SERPINB5: variants seen among roughly 807,000 people sequenced by gnomAD.
The protein encoded by SERPINB5 is serpin B5.
Under a neutral mutation model 32.2 loss-of-function variants are expected in SERPINB5, and 27 were observed. The observed-to-expected ratio is 0.84, with a 90% CI of 0.62 to 1.16. SERPINB5 has a LOEUF of 1.16. Ranked by LOEUF, SERPINB5 falls within the 50% of genes most tolerant of loss-of-function variation. SERPINB5 has a pLI of 0.00. For missense variants in SERPINB5, 388 were observed against 436.3 expected (o/e 0.89, Z 0.99); for synonymous variants, 154 against 157.4 (o/e 0.98, Z 0.16).
intron 3 of SERPINB5, among the ~76,000 whole-genome samples, chr18:63,487,954 A>AT (rs576994604): frequency 9.2e-5 from 14 of 152,142 alleles, no homozygotes; most frequent in Admixed American, 9.2e-4. Context: ...TTGTGAGTAT[A>AT]TTTTTTGTTG....
intron 2 of SERPINB5, 26 bp downstream of exon 2, chr18:63,484,622 T>G (rs1917176621): frequency 6.2e-7 from 1 of 1,600,022 alleles, no homozygotes; most frequent in Non-Finnish European, 8.5e-7. Flanking sequence ...TTGTTTCTAC[T>G]TTAAGTGGGA....
intron 5 of SERPINB5, among the ~76,000 whole-genome samples, chr18:63,497,884 A>G (rs185314266): frequency 2.2e-3 from 340 of 152,256 alleles, no homozygotes; most frequent in Non-Finnish European, 3.9e-3. Context: ...AGATTGAGTG[A>G]TTTGCTCAAG....
In SERPINB5 at chr18:63,492,949, G is replaced by C. The variant is rs1298968179; in HGVS notation, c.425-4G>C. 6.2e-7 allele frequency: 1 copy of C among 1,605,360 alleles called. No individual in the cohort carries two copies. Among genetic ancestry groups the C allele is most frequent in the Admixed American group, 1.7e-5 (1 of 58,942 alleles). The stretch of plus-strand genomic sequence containing the variant: ...CTACTTGTGTTTTCCTAAAATTGTT[G>C]CAGGCCACTTTGAGAACATTTTAGC... On this transcript the variant is annotated splice_region_variant and splice_polypyrimidine_tract_variant and intron_variant, in intron 4 of 6. Transcript: ENST00000382771.
chr18:63,482,389 A>G (rs1599386956), intron 1 of SERPINB5, among the ~76,000 whole-genome samples: 1 of 152,202 alleles, frequency 6.6e-6, no homozygotes, highest in African/African-American at 2.4e-5. Flanking sequence ...GAAGACCTTC[A>G]ATGTCACATT....
At chr18:63,478,758 G>T (rs370089427) in intron 1 of SERPINB5, among the ~76,000 whole-genome samples, 9 of 135,380 alleles carry the variant, frequency 6.6e-5, no homozygotes, top group Non-Finnish European at 1.1e-4. Flanking sequence ...TAAAAACGTA[G>T]TTTTTTTTTT....
intron 1 of SERPINB5, among the ~76,000 whole-genome samples, chr18:63,481,542 T>A (rs143967753): frequency 2.6e-5 from 4 of 152,252 alleles, no homozygotes; most frequent in South Asian, 2.1e-4. Context: ...CTGGTGGAAG[T>A]GTTAAGAAGC....
At chr18:63,499,047 G>GTATATATATATATATATATATATA (rs55944702) in intron 5 of SERPINB5, 73 bp from the exon 6 acceptor site, 3 of 433,756 alleles carry the variant, frequency 6.9e-6, no homozygotes, top group South Asian at 6.0e-5. Context: ...GCGCGTGTGT[G>GTATATATATATATATATATATATA]TATATATATA....
chr18:63,480,450 A>T (rs1220676986), intron 1 of SERPINB5, among the ~76,000 whole-genome samples: 2 of 152,234 alleles, frequency 1.3e-5, no homozygotes, highest in Non-Finnish European at 2.9e-5. Context: ...ATGAAAAAAA[A>T]TTTGTAGCAA....
intron 1 of SERPINB5, chr18:63,477,367 A>C (rs1917052774): frequency 6.6e-6 from 1 of 152,172 alleles, no homozygotes; most frequent in African/African-American, 2.4e-5. Flanking sequence ...ACGGAGGAGA[A>C]AATACTTCTG....
intron 3 of SERPINB5, 62 bp downstream of exon 3, chr18:63,487,145 G>C: frequency 1.3e-6 from 2 of 1,519,234 alleles, no homozygotes; most frequent in East Asian, 4.5e-5. Flanking sequence ...TTTTCATGCT[G>C]TTAGACCTAC....
intron 5 of SERPINB5, 111 bp downstream of exon 5, chr18:63,493,206 G>T (rs760459802): frequency 1.4e-6 from 2 of 1,420,220 alleles, no homozygotes; most frequent in Non-Finnish European, 2.0e-6. Context: ...GGGCACGGCC[G>T]GCAAAGTGCC....
intron 4 of SERPINB5, 71 bp downstream of exon 4, chr18:63,489,535 T>C: frequency 1.2e-6 from 1 of 833,684 alleles, no homozygotes; most frequent in Non-Finnish European, 1.9e-6. Flanking sequence ...AAATGTTTGC[T>C]CCAAGGATAA....
chr18:63,490,736 C>T (rs1304570566), intron 4 of SERPINB5: 1 of 152,198 alleles, frequency 6.6e-6, no homozygotes, highest in Non-Finnish European at 1.5e-5. Context: ...GACACTGGTA[C>T]TTACTAACTG....
rs1909506169 is a variant in SERPINB5, at chr18:63,498,855, A to ACG, written c.568-265_568-264insCG. ...GTATATATATATAGTATGTATATAT[A>ACG]AGTGTGTATATATAGGTGTGTGTAT... On this transcript the variant is annotated intron_variant, in intron 5 of 6. Transcript: ENST00000382771. This position sits in a 1 kb window ranked among gnomAD's most constrained non-coding sequence, Gnocchi z 4.2. 2.0e-5 allele frequency among the ~76,000 whole-genome samples: 2 copies of ACG among 99,430 alleles called. No individual in the cohort carries two copies. The highest frequency in any genetic ancestry group is 2.5e-5 in the Non-Finnish European group (1 of 39,774). 65.2% of individuals were successfully genotyped at this position (99,430 alleles called of 152,430 possible). A position where few individuals can be genotyped will look rare whatever the true frequency, so the allele number is the denominator to read the frequency against.
chr18:63,481,413 T>C (rs1917125263), intron 1 of SERPINB5, among the ~76,000 whole-genome samples: 1 of 152,250 alleles, frequency 6.6e-6, no homozygotes, highest in Non-Finnish European at 1.5e-5. Flanking sequence ...TGTTATTGAC[T>C]ATGCAAAATT....
At chr18:63,479,763 C>G (rs1690417884) in intron 1 of SERPINB5, among the ~76,000 whole-genome samples, 1 of 152,106 alleles carries the variant, frequency 6.6e-6, no homozygotes, top group Admixed American at 6.6e-5. Flanking sequence ...TCAGTTAATA[C>G]TTACTAGATG....
At chr18:63,495,548 C>T (rs994866238) in intron 5 of SERPINB5, among the ~76,000 whole-genome samples, 1 of 152,202 alleles carries the variant, frequency 6.6e-6, no homozygotes, top group African/African-American at 2.4e-5. Flanking sequence ...GACCCCAGAG[C>T]CAGCCTGGAA....
At chr18:63,500,656 C>T (rs1001942997) in intron 6 of SERPINB5, among the ~76,000 whole-genome samples, 2 of 152,046 alleles carry the variant, frequency 1.3e-5, no homozygotes, top group Admixed American at 1.3e-4. Context: ...CCCTTTAGTC[C>T]CTCCCTGGCT....
intron 1 of SERPINB5, among the ~76,000 whole-genome samples, chr18:63,481,737 C>T (rs1272338850): frequency 6.6e-6 from 1 of 152,212 alleles, no homozygotes; most frequent in Non-Finnish European, 1.5e-5. Context: ...TGAAGAGTTT[C>T]TTTATGTTTT....
Sources: allele counts gnomAD v4.1 joint callset (sites outside exome capture counted in the v4.1 genomes callset), GRCh38; gene constraint gnomAD v4.1.1; non-coding constraint Gnocchi (gnomAD v3.1); transcripts MANE v1.5; gene names NCBI Gene and HGNC (gene_info 2026-07-23, HGNC 2026-07-21).